PLD1: variants seen among roughly 807,000 people sequenced by gnomAD.
PLD1 encodes the protein phospholipase D1.
In PLD1, 112 loss-of-function variants were observed where a neutral mutation model predicts 137.1. The observed-to-expected ratio is 0.82, with a 90% CI of 0.70 to 0.96. The LOEUF (loss-of-function observed/expected upper bound fraction) is 0.96, where lower values mean the gene tolerates loss of function less well. Among genes scored for constraint, PLD1 ranks in the 40% least tolerant of loss-of-function variants. PLD1 has a pLI of 0.00. For synonymous variants in PLD1, 431 were observed against 454.7 expected, an observed-to-expected ratio of 0.95 and a Z score of 0.66; for missense variants, 1,321 against 1,342.0, an observed-to-expected ratio of 0.98 and a Z score of 0.24.
chr3:171,613,521 T>C (rs140525116), intron 24 of PLD1, among the ~76,000 whole-genome samples: 1,572 of 152,340 alleles, frequency 0.01, 26 homozygotes, highest in African/African-American at 0.036. Flanking sequence ...TCATAATTAA[T>C]AGAGTATAAT....
At chr3:171,714,337 G>A (rs1412474296) in intron 8 of PLD1, among the ~76,000 whole-genome samples, 1 of 152,186 alleles carries the variant, frequency 6.6e-6, no homozygotes, top group Non-Finnish European at 1.5e-5. Context: ...TTGGCAGGTA[G>A]CACTCACAGG....
chr3:171,801,951 C>T (rs927050243), intron 1 of PLD1, among the ~76,000 whole-genome samples: 9 of 152,202 alleles, frequency 5.9e-5, no homozygotes, highest in East Asian at 1.9e-4. Context: ...TCTCTGAAAA[C>T]GACAGGAGGC....
At chr3:171,617,916 AT>A (rs2108286205) in intron 24 of PLD1, among the ~76,000 whole-genome samples, 1 of 152,306 alleles carries the variant, frequency 6.6e-6, no homozygotes, top group Admixed American at 6.5e-5. Context: ...CACCTATAAA[AT>A]ATTCTCAACC....
intron 1 of PLD1, among the ~76,000 whole-genome samples, chr3:171,752,545 A>C (rs1330981512): frequency 2.6e-5 from 4 of 152,204 alleles, no homozygotes; most frequent in Non-Finnish European, 5.9e-5. Flanking sequence ...GGCAAACATT[A>C]ATCTGTGATC....
chr3:171,616,246 T>G (rs1733102042), intron 24 of PLD1, among the ~76,000 whole-genome samples: 1 of 152,046 alleles, frequency 6.6e-6, no homozygotes, highest in Non-Finnish European at 1.5e-5. Context: ...GTTTGTGGTT[T>G]ATCTTTTTAT....
At chr3:171,706,544 A>T (rs1716709538) in intron 11 of PLD1, among the ~76,000 whole-genome samples, 1 of 151,390 alleles carries the variant, frequency 6.6e-6, no homozygotes, top group African/African-American at 2.4e-5. Context: ...CTTTACAAAC[A>T]CCCTCTTTTA....
At chr3:171,672,781 A>T (rs1024378581) in intron 19 of PLD1, among the ~76,000 whole-genome samples, 2 of 151,906 alleles carry the variant, frequency 1.3e-5, no homozygotes, top group African/African-American at 4.8e-5. Flanking sequence ...CACCACACCC[A>T]CTCTAGTGTC....
chr3:171,613,633 T>C (rs1222793178), intron 24 of PLD1, among the ~76,000 whole-genome samples: 1 of 152,252 alleles, frequency 6.6e-6, no homozygotes, highest in Non-Finnish European at 1.5e-5. Flanking sequence ...TCCTCCATTC[T>C]ATTTTTTAAA....
At chr3:171,726,474 G>C (rs151335953) in intron 6 of PLD1, among the ~76,000 whole-genome samples, 1 of 152,314 alleles carries the variant, frequency 6.6e-6, no homozygotes, top group East Asian at 1.9e-4. Flanking sequence ...GCAGGATCTG[G>C]AAGATGGACT....
At chr3:171,738,965 G>C (rs376198120) in intron 1 of PLD1, among the ~76,000 whole-genome samples, 3 of 152,192 alleles carry the variant, frequency 2.0e-5, no homozygotes, top group Admixed American at 6.5e-5. Flanking sequence ...ATGGAAGGAC[G>C]CTCATACCAG....
chr3:171,638,242 GT>G (rs2108355903), intron 23 of PLD1, among the ~76,000 whole-genome samples: 1 of 149,540 alleles, frequency 6.7e-6, no homozygotes, highest in East Asian at 2.0e-4. Flanking sequence ...CATGAATGAA[GT>G]TGCTCTGGGT....
intron 1 of PLD1, among the ~76,000 whole-genome samples, chr3:171,739,525 CTA>C (rs1719622429): frequency 1.3e-5 from 2 of 152,258 alleles, no homozygotes; most frequent in South Asian, 4.2e-4. Flanking sequence ...AAGTATAGGA[CTA>C]TCTCTTCCCT....
intron 1 of PLD1, among the ~76,000 whole-genome samples, chr3:171,777,632 C>T (rs1304175910): frequency 6.6e-6 from 1 of 152,124 alleles, no homozygotes; most frequent in African/African-American, 2.4e-5. Context: ...TTCTGTTTTT[C>T]AAATTACCTA....
At chr3:171,715,203 C>T (rs932285802) in intron 8 of PLD1, among the ~76,000 whole-genome samples, 3 of 152,228 alleles carry the variant, frequency 2.0e-5, no homozygotes, top group Non-Finnish European at 2.9e-5. Context: ...GCACTGTTTA[C>T]TGAAGAGTGT....
chr3:171,761,114 C>T (rs1162228720), intron 1 of PLD1, among the ~76,000 whole-genome samples: 3 of 152,118 alleles, frequency 2.0e-5, no homozygotes, highest in Non-Finnish European at 4.4e-5. Context: ...CTGGCAGTTG[C>T]CTGGACTAGC....
rs534685306 is a variant in PLD1, at chr3:171,694,687, GCTT to G, written c.1228-2248_1228-2246del. Among the ~76,000 whole-genome samples, 169 of 152,122 alleles carry G rather than the reference GCTT, an allele frequency of 1.1e-3. 1 individual carries two copies. The South Asian group carries it at 0.016, about 15-fold the overall frequency. On this transcript the variant is annotated intron_variant, in intron 12 of 26. Transcript: ENST00000351298. ...ATTTATTTTAAGCAGATGAAATTCT[GCTT>G]CTTAGGCTTAAGACATTATTACTCA...
In PLD1 at chr3:171,623,157, G is replaced by A. The variant is rs143434886; in HGVS notation, c.2594-2637C>T. On this transcript the variant is annotated intron_variant, in intron 23 of 26. Coordinates refer to ENST00000351298, the MANE Select transcript of PLD1 (RefSeq NM_002662.5). ...TGATCTCATTACATTACATGAGATC[G>A]CATTAATGTAATGTAATATAAGGTA... Among the ~76,000 whole-genome samples, 709 of 151,950 alleles carry A rather than the reference G, an allele frequency of 4.7e-3. 5 individuals are homozygous for A. The highest frequency in any genetic ancestry group is 0.016 in the African/African-American group (663 of 41,432).
intron 1 of PLD1, among the ~76,000 whole-genome samples, chr3:171,794,970 T>TA (rs778091508): frequency 2.0e-5 from 3 of 152,244 alleles, no homozygotes; most frequent in Non-Finnish European, 4.4e-5. Context: ...CAGTACAATT[T>TA]ATAATAGACA....
chr3:171,639,255 CAT>C (rs1196577707), intron 23 of PLD1, among the ~76,000 whole-genome samples: 3 of 135,294 alleles, frequency 2.2e-5, no homozygotes, highest in East Asian at 2.1e-4. Flanking sequence ...TAATATATAA[CAT>C]ATAAGTAATA....
Sources: allele counts gnomAD v4.1 joint callset (sites outside exome capture counted in the v4.1 genomes callset), GRCh38; gene constraint gnomAD v4.1.1; transcripts MANE v1.5; gene names NCBI Gene and HGNC (gene_info 2026-07-23, HGNC 2026-07-21).